The following SCHIP1 variants were observed in gnomAD, a reference collection of about 807,000 sequenced individuals.
The protein encoded by SCHIP1 is schwannomin-interacting protein 1.
In SCHIP1, 8 loss-of-function variants were observed where a neutral mutation model predicts 29.7. The ratio of observed to expected loss-of-function variants is 0.27; its 90% CI spans 0.16 to 0.49. The LOEUF is 0.49. Among genes scored for constraint, SCHIP1 ranks in the 20% least tolerant of loss-of-function variants. The pLI is 0.99. For missense variants in SCHIP1, 193 were observed against 294.6 expected (o/e 0.66, Z 2.52); for synonymous variants, 76 against 94.9 (o/e 0.80, Z 1.16).
the SCHIP1 span, among the ~76,000 whole-genome samples, chr3:159,815,789 TCCCATAA>T: frequency 6.6e-6 from 1 of 152,200 alleles, no homozygotes; most frequent in South Asian, 2.1e-4. Flanking sequence ...GGTCTTCGTT[TCCCATAA>T]CCCATCAGTC....
the SCHIP1 span, among the ~76,000 whole-genome samples, chr3:159,694,043 C>T: frequency 6.6e-6 from 1 of 152,072 alleles, no homozygotes; most frequent in Admixed American, 6.5e-5. Flanking sequence ...TAGGTATGCA[C>T]TCACCTATCT....
the SCHIP1 span, among the ~76,000 whole-genome samples, chr3:159,381,369 C>A: frequency 6.6e-6 from 1 of 152,094 alleles, no homozygotes; most frequent in Non-Finnish European, 1.5e-5. Flanking sequence ...TGAATTAAAT[C>A]TTATTTACAA....
chr3:159,431,063 T>C, the SCHIP1 span, among the ~76,000 whole-genome samples: 4 of 152,180 alleles, frequency 2.6e-5, no homozygotes, highest in East Asian at 7.7e-4. Context: ...GCATCTCCTA[T>C]GGAAAAGGGC....
At chr3:159,328,745 C>G in the SCHIP1 span, among the ~76,000 whole-genome samples, 1 of 152,188 alleles carries the variant, frequency 6.6e-6, no homozygotes, top group South Asian at 2.1e-4. Flanking sequence ...GACTTGTCTT[C>G]TGGGCTGTGA....
chr3:159,421,994 C>T, the SCHIP1 span, among the ~76,000 whole-genome samples: 6 of 152,098 alleles, frequency 3.9e-5, no homozygotes, highest in Admixed American at 3.9e-4. Context: ...GCAAGATTTT[C>T]CAGTGTTATC....
chr3:159,582,419 G>T, the SCHIP1 span, among the ~76,000 whole-genome samples: 10 of 151,804 alleles, frequency 6.6e-5, no homozygotes, highest in Non-Finnish European at 1.2e-4. Flanking sequence ...CTCCTGCCTC[G>T]GCCTCCCAAA....
the SCHIP1 span, among the ~76,000 whole-genome samples, chr3:159,557,458 C>G: frequency 6.6e-6 from 1 of 152,106 alleles, no homozygotes; most frequent in South Asian, 2.1e-4. Context: ...ATGGAATAGT[C>G]ATTGGCTCAT....
At chr3:159,713,246 AAG>A in the SCHIP1 span, among the ~76,000 whole-genome samples, 1 of 130,972 alleles carries the variant, frequency 7.6e-6, no homozygotes, top group African/African-American at 3.1e-5. Context: ...GAAAGAAAGA[AAG>A]AAAGAAAGAA....
At chr3:159,306,431 C>A in the SCHIP1 span, 1 of 144,552 alleles carries the variant, frequency 6.9e-6, no homozygotes, top group African/African-American at 2.5e-5. Context: ...TAAGTGTTTT[C>A]AGCATTCTAA....
At chr3:159,340,483 T>C in the SCHIP1 span, among the ~76,000 whole-genome samples, 1 of 152,096 alleles carries the variant, frequency 6.6e-6, no homozygotes, top group African/African-American at 2.4e-5. Context: ...CCATAAGAAA[T>C]AAATTCTAAA....
At chr3:159,697,774 G>A in the SCHIP1 span, among the ~76,000 whole-genome samples, 39 of 151,910 alleles carry the variant, frequency 2.6e-4, no homozygotes, top group African/African-American at 8.2e-4. Flanking sequence ...AAGTTGGGCC[G>A]AATAATAACT....
At chr3:159,531,939 T>G in the SCHIP1 span, among the ~76,000 whole-genome samples, 1 of 152,308 alleles carries the variant, frequency 6.6e-6, no homozygotes, top group African/African-American at 2.4e-5. Context: ...CAGGAAAAAT[T>G]TGTGCAGTAA....
the SCHIP1 span, among the ~76,000 whole-genome samples, chr3:159,310,317 A>G: frequency 6.6e-6 from 1 of 152,172 alleles, no homozygotes; most frequent in Non-Finnish European, 1.5e-5. Context: ...GTGTCTAGTA[A>G]TGCATCCCTT....
the SCHIP1 span, among the ~76,000 whole-genome samples, chr3:159,569,034 C>T: frequency 1.3e-5 from 2 of 152,158 alleles, no homozygotes; most frequent in Non-Finnish European, 2.9e-5. Flanking sequence ...AATTTACCAA[C>T]AAAAGCTTCC....
the SCHIP1 span, among the ~76,000 whole-genome samples, chr3:159,743,520 A>G: frequency 2.6e-5 from 4 of 152,262 alleles, no homozygotes; most frequent in Non-Finnish European, 5.9e-5. Flanking sequence ...TATGCTTGAA[A>G]TGGCAAAATT....
the SCHIP1 span, among the ~76,000 whole-genome samples, chr3:159,396,961 T>C: frequency 7.0e-6 from 1 of 142,848 alleles, no homozygotes; most frequent in African/African-American, 2.5e-5. Flanking sequence ...GGTACAGCAA[T>C]CAGACGTAGA....
At chr3:159,566,531 T>C in the SCHIP1 span, among the ~76,000 whole-genome samples, 3 of 151,722 alleles carry the variant, frequency 2.0e-5, no homozygotes, top group Non-Finnish European at 4.4e-5. Flanking sequence ...TAAAAGAAAG[T>C]GAAATTGGGA....
the SCHIP1 span, among the ~76,000 whole-genome samples, chr3:159,803,249 G>A: frequency 6.4e-3 from 967 of 152,164 alleles, 5 homozygotes; most frequent in African/African-American, 0.022. Context: ...AAATATATTG[G>A]GGAAAGACTA....
the SCHIP1 span, among the ~76,000 whole-genome samples, chr3:159,798,881 G>A: frequency 6.6e-6 from 1 of 152,130 alleles, no homozygotes; most frequent in Non-Finnish European, 1.5e-5. Flanking sequence ...CTAAATCTGA[G>A]CTTTTAAATT....
Sources: gnomAD v4.1 joint callset for allele counts (sites outside exome capture counted in the v4.1 genomes callset) on GRCh38, gnomAD v4.1.1 for gene constraint, MANE v1.5 for transcripts, NCBI Gene and HGNC (gene_info 2026-07-23, HGNC 2026-07-21) for gene names.